Variants in GALNTL6 observed in about 807,000 individuals in gnomAD.
The protein encoded by GALNTL6 is polypeptide N-acetylgalactosaminyltransferase like 6.
In GALNTL6, 46 loss-of-function variants were observed where a neutral mutation model predicts 73.7. The observed-to-expected ratio is 0.62, with a 90% confidence interval of 0.49 to 0.80. The LOEUF (loss-of-function observed/expected upper bound fraction) is 0.80. Ranked by LOEUF, GALNTL6 falls within the 30% of genes least tolerant of loss-of-function variation. GALNTL6 has a pLI of 0.00. For synonymous variants in GALNTL6, 259 were observed against 263.7 expected (o/e 0.98, Z 0.17); for missense variants, 604 against 755.0 (o/e 0.80, Z 2.34).
Position 173,040,176 on chromosome 4 carries a change from C to A in GALNTL6, c.*76C>A. The A allele has an allele frequency of 8.2e-6, 9 of 1,091,646 alleles. No individual in the cohort carries two copies. Among genetic ancestry groups the A allele is most frequent in the Non-Finnish European group, 1.2e-5 (9 of 756,014 alleles). 67.6% of individuals were successfully genotyped at this position (1,091,646 alleles called of 1,614,324 possible). A position where few individuals can be genotyped will look rare whatever the true frequency, so the allele number is the denominator to read the frequency against. On this transcript the variant is annotated 3_prime_UTR_variant, in exon 13 of 13. Transcript: ENST00000506823. ...TAGCCAGCATCTGGGTCGAAGGAGT[C>A]AGGAATAACATTTCCTCGATCCAGG... is the stretch of plus-strand genomic sequence containing the variant.
At chr4:172,438,298 T>G (rs1158640094) in intron 5 of GALNTL6, among the ~76,000 whole-genome samples, 1 of 152,110 alleles carries the variant, frequency 6.6e-6, no homozygotes, top group Non-Finnish European at 1.5e-5. Context: ...ATGCTTTCAG[T>G]ATAGATCTTG....
intron 7 of GALNTL6, among the ~76,000 whole-genome samples, chr4:172,871,664 GT>G (rs1296758965): frequency 6.7e-6 from 1 of 149,536 alleles, no homozygotes; most frequent in Non-Finnish European, 1.5e-5. Context: ...ATATATAAAA[GT>G]TGAGAAATAA....
intron 2 of GALNTL6, among the ~76,000 whole-genome samples, chr4:172,089,955 A>G (rs1003267095): frequency 3.3e-5 from 5 of 152,026 alleles, no homozygotes; most frequent in South Asian, 2.1e-4. Flanking sequence ...TGAGGTGTTT[A>G]GTTTTCTGTT....
intron 7 of GALNTL6, among the ~76,000 whole-genome samples, chr4:172,838,106 G>A (rs1350731734): frequency 2.6e-5 from 4 of 151,778 alleles, no homozygotes; most frequent in African/African-American, 9.7e-5. Flanking sequence ...TGATTTCTAT[G>A]TTTGGAAATC....
intron 10 of GALNTL6, among the ~76,000 whole-genome samples, chr4:172,957,679 G>C (rs939054045): frequency 2.0e-5 from 3 of 152,144 alleles, no homozygotes; most frequent in African/African-American, 7.2e-5. Flanking sequence ...TGTGTAGTGA[G>C]AAAACCTCTT....
chr4:172,057,728 A>ATG (rs1491209205), intron 2 of GALNTL6, among the ~76,000 whole-genome samples: 1 of 62,282 alleles, frequency 1.6e-5, no homozygotes, highest in Non-Finnish European at 3.2e-5. Flanking sequence ...AAAAAAAAAA[A>ATG]TATATATATA....
At chr4:172,606,532 G>A (rs1316185856) in intron 5 of GALNTL6, among the ~76,000 whole-genome samples, 2 of 135,032 alleles carry the variant, frequency 1.5e-5, no homozygotes, top group African/African-American at 3.0e-5. Context: ...AGCAGAACAT[G>A]GATATAAGAA....
In GALNTL6 at chr4:172,414,296, G is replaced by A. The variant is rs17058415; in HGVS notation, c.553+65607G>A. 7.3e-3 allele frequency among the ~76,000 whole-genome samples: 1,104 copies of A among 152,044 alleles called. 10 individuals carry two copies. The highest frequency in any genetic ancestry group is 0.025 in the African/African-American group (1,034 of 41,510). ...GGTGATGCTATCTTTGCTGCTTTTC[G>A]TACAGAATTGCCATCATCCAAAATG... On this transcript the variant is annotated intron_variant, in intron 5 of 12. Coordinates refer to ENST00000506823, the MANE Select transcript of GALNTL6 (RefSeq NM_001034845.3).
chr4:172,659,217 G>A (rs1318069867), intron 5 of GALNTL6, among the ~76,000 whole-genome samples: 1 of 152,020 alleles, frequency 6.6e-6, no homozygotes, highest in Admixed American at 6.5e-5. Context: ...AATCATAAAA[G>A]CTTTAATTTT....
At chr4:172,354,127 G>A (rs982414741) in intron 5 of GALNTL6, among the ~76,000 whole-genome samples, 4 of 151,968 alleles carry the variant, frequency 2.6e-5, no homozygotes, top group South Asian at 4.1e-4. Context: ...GACGACAGTC[G>A]ACAAAAATGT....
chr4:172,329,184 C>T (rs1561028588), intron 4 of GALNTL6, among the ~76,000 whole-genome samples: 1 of 152,150 alleles, frequency 6.6e-6, no homozygotes, highest in East Asian at 1.9e-4. Context: ...TCTACAGAGC[C>T]TGGAGACAGC....
intron 6 of GALNTL6, among the ~76,000 whole-genome samples, chr4:172,811,145 C>G (rs1741277625): frequency 6.6e-6 from 1 of 152,166 alleles, no homozygotes; most frequent in African/African-American, 2.4e-5. Context: ...AAAAAACAGG[C>G]AGAGCCACAC....
intron 5 of GALNTL6, among the ~76,000 whole-genome samples, chr4:172,398,308 G>C (rs766570130): frequency 3.3e-5 from 5 of 152,146 alleles, no homozygotes; most frequent in Non-Finnish European, 5.9e-5. Context: ...GTTAAAATGA[G>C]CTGTCAAAAT....
chr4:172,074,298 A>G (rs1731637954), intron 2 of GALNTL6, among the ~76,000 whole-genome samples: 1 of 152,200 alleles, frequency 6.6e-6, no homozygotes, highest in Non-Finnish European at 1.5e-5. Context: ...TGAGTATTGC[A>G]ATCAAAAATG....
chr4:172,442,903 C>G (rs1731882764), intron 5 of GALNTL6, among the ~76,000 whole-genome samples: 1 of 151,728 alleles, frequency 6.6e-6, no homozygotes, highest in African/African-American at 2.4e-5. Flanking sequence ...GAGATGATAT[C>G]ACAAGGAAGC....
At chr4:171,836,993 T>C (rs1227389942) in intron 2 of GALNTL6, among the ~76,000 whole-genome samples, 1 of 152,096 alleles carries the variant, frequency 6.6e-6, no homozygotes, top group Non-Finnish European at 1.5e-5. Flanking sequence ...TGTAAATGTG[T>C]GCATATAAAT....
chr4:172,487,743 CATAAAGA>C lies in GALNTL6; in HGVS notation c.553+139060_553+139066del, dbSNP rs529484753. 1.7e-4 allele frequency among the ~76,000 whole-genome samples: 26 copies of C among 152,148 alleles called. No homozygotes were observed. The East Asian group carries it at 3.1e-3, about 18-fold the overall frequency. On this transcript the variant is annotated intron_variant, in intron 5 of 12. Coordinates refer to ENST00000506823, the MANE Select transcript of GALNTL6 (RefSeq NM_001034845.3). ...CTTTGTGGCAGTTCATTCCTCAATG[CATAAAGA>C]ATAAACTATTCAATATATTAGTAAA...
At chr4:172,035,494 T>C (rs1456961962) in intron 2 of GALNTL6, among the ~76,000 whole-genome samples, 1 of 152,102 alleles carries the variant, frequency 6.6e-6, no homozygotes, top group East Asian at 1.9e-4. Flanking sequence ...AAACAATACA[T>C]TTGTGTTTAA....
intron 2 of GALNTL6, among the ~76,000 whole-genome samples, chr4:172,146,426 A>C (rs1733929751): frequency 6.6e-6 from 1 of 152,366 alleles, no homozygotes; most frequent in African/African-American, 2.4e-5. Flanking sequence ...GTCCAGGATC[A>C]CTACATTCAC....
Sources: gnomAD v4.1 joint callset for allele counts (sites outside exome capture counted in the v4.1 genomes callset) on GRCh38, gnomAD v4.1.1 for gene constraint, MANE v1.5 for transcripts, NCBI Gene and HGNC (gene_info 2026-07-23, HGNC 2026-07-21) for gene names.